The following ZNF705G variants were observed in gnomAD, a reference collection of about 807,000 sequenced individuals.
ZNF705G encodes putative zinc finger protein 705G.
In ZNF705G, 23 loss-of-function variants were observed where a neutral mutation model predicts 19.6. That is an observed-to-expected ratio of 1.17 (90% CI 0.84 to 1.66). The LOEUF is 1.66. Among genes scored for constraint, ZNF705G ranks in the 40% most tolerant of loss-of-function variants. The pLI is 0.00. For synonymous variants in ZNF705G, 146 were observed against 117.7 expected (o/e 1.24, Z -1.56); for missense variants, 457 against 354.4 (o/e 1.29, Z -2.32).
rs1278310802 is a variant in ZNF705G at position 7,357,989 on chromosome 8, G to A, written c.890C>T (p.Ser297Phe). 1.2e-6 allele frequency: 2 copies of A among 1,609,232 alleles called. No individual in the cohort carries two copies. Among genetic ancestry groups the A allele is most frequent in the Admixed American group, 3.3e-5 (2 of 59,952 alleles). ...TGTTCTCTCATGTCATCTAAGGTTG[G>A]AAGACAGACTGAAGGCCTTCCCACA... ...LLCGKAFSLS[S>F]NLR is the part of the protein sequence containing the mutation. The change falls in exon 7 of 7, where the codon TCC (serine) becomes TTC (phenylalanine). Residue 297 changes from serine (S) to phenylalanine (F), a missense_variant. Ser to Phe is a radical substitution (Grantham distance 155). Coordinates refer to ENST00000400156, the MANE Select transcript of ZNF705G (RefSeq NM_001164457.3).
Position 7,385,242 on chromosome 8 carries a change from C to A in ZNF705G, c.-222+256G>T, listed in dbSNP as rs753162772. Among the ~76,000 whole-genome samples, 54 of 149,274 alleles carry A rather than the reference C, an allele frequency of 3.6e-4. 1 individual carries two copies. Among genetic ancestry groups the A allele is most frequent in the South Asian group, 4.2e-4 (2 of 4,758 alleles). On this transcript the variant is annotated intron_variant, in intron 1 of 6. Transcript: ENST00000400156. ...CCTTAATCACTTCCCAAATGTTCCGCTTCTTAATACTATTGCATTGGGGAT... is the reference window on the plus strand; with the variant it reads ...CCTTAATCACTTCCCAAATGTTCCGATTCTTAATACTATTGCATTGGGGAT...
At chr8:7,359,286 A>G (rs191800857) in intron 6 of ZNF705G, among the ~76,000 whole-genome samples, 2 of 149,632 alleles carry the variant, frequency 1.3e-5, no homozygotes, top group Non-Finnish European at 2.9e-5. Flanking sequence ...TCGATTGACA[A>G]TTGCATACAC....
At chr8:7,370,399 T>C (rs1172738156) in intron 2 of ZNF705G, among the ~76,000 whole-genome samples, 1 of 149,662 alleles carries the variant, frequency 6.7e-6, no homozygotes, top group African/African-American at 2.6e-5. Context: ...AAAACCACCA[T>C]GAAATATCAC....
intron 2 of ZNF705G, among the ~76,000 whole-genome samples, chr8:7,365,659 C>T (rs1165119964): frequency 1.3e-5 from 2 of 149,432 alleles, no homozygotes; most frequent in African/African-American, 2.6e-5. Context: ...CGTGAGCCAC[C>T]GTGCCCGGCC....
intron 5 of ZNF705G, 42 bp from the exon 6 acceptor site, chr8:7,359,743 T>C: frequency 1.2e-6 from 2 of 1,604,554 alleles, no homozygotes; most frequent in South Asian, 2.2e-5. Flanking sequence ...GGTATTATGG[T>C]AATAAAATTG....
chr8:7,358,496 C>T lies in ZNF705G; in HGVS notation c.383G>A (p.Ser128Asn), dbSNP rs180918907. The change falls in exon 7 of 7, where the codon AGT becomes AAT. Residue 128 changes from serine (S) to asparagine (N), a missense_variant. Physicochemically the swap from Ser to Asn is conservative, Grantham distance 46. Transcript: ENST00000400156. ...CNDSGEDCTRSSTITQCLLTH... is the reference protein window; with the variant it reads ...CNDSGEDCTRNSTITQCLLTH... The stretch of plus-strand genomic sequence containing the variant: ...TAACAAACACTGAGTTATTGTGGAA[C>T]TGCGAGTGCAATCTTCTCCCGAATC... 6 of 1,607,630 alleles carry T rather than the reference C, an allele frequency of 3.7e-6. No homozygotes were observed. The East Asian group carries it at 8.9e-5, about 24-fold the overall frequency.
In ZNF705G at chr8:7,362,840, G is replaced by T. The variant is rs1806670077; in HGVS notation, c.12+95C>A. ...TCATAAAAACAAACAAACAAAAAAA[G>T]AATAAAAATGAAACACCCATGCAAA... On this transcript the variant is annotated intron_variant, in intron 3 of 6. Transcript: ENST00000400156. 19 of 1,584,344 alleles carry T rather than the reference G, an allele frequency of 1.2e-5. No individual in the cohort carries two copies. The South Asian group carries it at 1.9e-4, about 16-fold the overall frequency.
chr8:7,362,839 A>G, intron 3 of ZNF705G, 96 bp downstream of exon 3: 4 of 1,584,970 alleles, frequency 2.5e-6, no homozygotes, highest in South Asian at 1.1e-5. Flanking sequence ...AAACAAAAAA[A>G]GAATAAAAAT....
intron 6 of ZNF705G, among the ~76,000 whole-genome samples, chr8:7,359,238 A>T (rs1172024427): frequency 2.0e-5 from 3 of 149,666 alleles, no homozygotes; most frequent in African/African-American, 7.7e-5. Flanking sequence ...TGGCAAATAA[A>T]TCTCCTAAAA....
intron 4 of ZNF705G, among the ~76,000 whole-genome samples, chr8:7,360,595 C>T (rs71511223): frequency 0.027 from 4,091 of 148,890 alleles, 106 homozygotes; most frequent in Middle Eastern, 0.1. Context: ...AGTTCCAAGA[C>T]GCAATGCATA....
At chr8:7,378,899 C>A (rs1368693000) in intron 2 of ZNF705G, among the ~76,000 whole-genome samples, 2 of 147,160 alleles carry the variant, frequency 1.4e-5, no homozygotes, top group Admixed American at 1.3e-4. Flanking sequence ...TTCACAGGAC[C>A]CAGGAGTTAG....
At chr8:7,358,644 A>C (rs1350171086) in intron 6 of ZNF705G, 84 bp from the exon 7 acceptor site, 1 of 1,575,120 alleles carries the variant, frequency 6.3e-7, no homozygotes, top group African/African-American at 1.5e-5. Flanking sequence ...TCCTAGACCA[A>C]CCATTCAGTG....
At chr8:7,384,774 T>C (rs1807657067) in intron 1 of ZNF705G, among the ~76,000 whole-genome samples, 1 of 145,092 alleles carries the variant, frequency 6.9e-6, no homozygotes, top group African/African-American at 2.9e-5. Flanking sequence ...ATAACTTAAG[T>C]TTACATAATT....
In ZNF705G at chr8:7,357,620, C is replaced by G. The variant is rs1806333211; in HGVS notation, c.*356G>C. 2.5e-6 allele frequency: 1 copy of G among 399,402 alleles called. No homozygotes were observed. Among genetic ancestry groups the G allele is most frequent in the Non-Finnish European group, 4.4e-6 (1 of 227,796 alleles). 24.7% of individuals were successfully genotyped at this position (399,402 alleles called of 1,614,324 possible). ...TCTCATGTCACTTATGCTCAGATCA[C>G]TAACAAGTCTTTGGTACATACATGT... On this transcript the variant is annotated 3_prime_UTR_variant, in exon 7 of 7. Transcript: ENST00000400156.
intron 2 of ZNF705G, among the ~76,000 whole-genome samples, chr8:7,370,000 TA>T (rs1807024318): frequency 6.7e-6 from 1 of 148,684 alleles, no homozygotes; most frequent in Admixed American, 6.6e-5. Context: ...TGTGCCAGTG[TA>T]AAAACCTGCA....
intron 5 of ZNF705G, 107 bp from the exon 6 acceptor site, chr8:7,359,808 G>T: frequency 6.6e-7 from 1 of 1,520,596 alleles, no homozygotes; most frequent in Non-Finnish European, 9.0e-7. Context: ...CGTAGATGTG[G>T]CAAGTGTGTC....
chr8:7,369,453 C>T (rs954375599), intron 2 of ZNF705G, among the ~76,000 whole-genome samples: 26 of 149,526 alleles, frequency 1.7e-4, no homozygotes, highest in South Asian at 4.2e-4. Flanking sequence ...CCTCCAGACC[C>T]GAGAATGGTA....
chr8:7,358,537 A>T lies in ZNF705G; in HGVS notation c.342T>A (p.Asp114Glu), dbSNP rs537276203. The change falls in exon 7 of 7, where the codon GAT (aspartate) becomes GAA (glutamate). Residue 114 changes from aspartate (D) to glutamate (E), a missense_variant. By Grantham distance (45) the Asp-to-Glu change is conservative (BLOSUM62 2). Transcript: ENST00000400156. The part of the protein sequence containing the change: ...MTMENSLILE[D>E]PFECNDSGED... ...CTCCCGAATCATTACATTCAAAAGGATCCTCCAGAATGAGAGAGTTCTCCT... is the reference window on the plus strand; with the variant it reads ...CTCCCGAATCATTACATTCAAAAGGTTCCTCCAGAATGAGAGAGTTCTCCT... 1.2e-6 allele frequency: 2 copies of T among 1,607,480 alleles called. No homozygotes were observed. The highest frequency in any genetic ancestry group is 2.2e-5 in the East Asian group (1 of 44,852).
chr8:7,358,403 G>C lies in ZNF705G; in HGVS notation c.476C>G (p.Thr159Ser), dbSNP rs746231912. 2 of 1,607,662 alleles carry C rather than the reference G, an allele frequency of 1.2e-6. No individual in the cohort carries two copies. Among genetic ancestry groups the C allele is most frequent in the Non-Finnish European group, 1.7e-6 (2 of 1,179,592 alleles). ...AGTATGAATTTGTTTATGTGGTTCA[G>C]TGGACAAAAGATTACGAAGGGATTT... ...CGKSLRNLLS[T>S]EPHKQIHTKG... The change falls in exon 7 of 7, where the codon ACT becomes AGT. Residue 159 changes from threonine (T) to serine (S), a missense_variant. Transcript: ENST00000400156.
Sources: gnomAD v4.1 joint callset for allele counts (sites outside exome capture counted in the v4.1 genomes callset) on GRCh38, gnomAD v4.1.1 for gene constraint, MANE v1.5 for transcripts, NCBI Gene and HGNC (gene_info 2026-07-23, HGNC 2026-07-21) for gene names.